DIRAS2: variants seen among roughly 807,000 people sequenced by gnomAD.
DIRAS2 encodes the protein DIRAS family GTPase 2.
In DIRAS2, 5 loss-of-function variants were observed where a neutral mutation model predicts 13.9. The observed-to-expected ratio is 0.36, with a 90% CI of 0.19 to 0.76. The LOEUF (loss-of-function observed/expected upper bound fraction) is 0.76, where lower values mean the gene tolerates loss of function less well. Ranked by LOEUF, DIRAS2 falls within the 30% of genes least tolerant of loss-of-function variation. The pLI is 0.53. For synonymous variants in DIRAS2, 111 were observed against 105.4 expected (o/e 1.05, Z -0.33); for missense variants, 191 against 263.0 (o/e 0.73, Z 1.89).
intron 1 of DIRAS2, among the ~76,000 whole-genome samples, chr9:90,624,014 A>G (rs1825245490): frequency 6.9e-6 from 1 of 145,330 alleles, no homozygotes; most frequent in Admixed American, 6.6e-5. Context: ...AAAGGTTTAC[A>G]AAGCTAAAAG....
Position 90,613,856 on chromosome 9 carries a change from G to A in DIRAS2, c.-29C>T. 1 of 1,582,642 alleles carries A rather than the reference G, an allele frequency of 6.3e-7. No homozygotes were observed. The highest frequency in any genetic ancestry group is 8.6e-7 in the Non-Finnish European group (1 of 1,163,700). On this transcript the variant is annotated 5_prime_UTR_variant, in exon 2 of 2. Coordinates refer to ENST00000375765, the MANE Select transcript of DIRAS2 (RefSeq NM_017594.5). This position sits in a 1 kb window ranked among gnomAD's most constrained non-coding sequence, Gnocchi z 5.6. ...GCTGGAGAGCTCCAACTCTCAGCCA[G>A]GACGCACCTAGCAAAGGAACCAGAT...
chr9:90,614,589 T>C (rs1218860731), intron 1 of DIRAS2, among the ~76,000 whole-genome samples: 1 of 152,050 alleles, frequency 6.6e-6, no homozygotes. Context: ...TCAATGCCCA[T>C]CCCATAAGCT....
intron 1 of DIRAS2, among the ~76,000 whole-genome samples, chr9:90,632,914 GGCTATTTCACTGA>G: frequency 6.6e-6 from 1 of 152,304 alleles, no homozygotes; most frequent in South Asian, 2.1e-4. Context: ...CAGAACATGC[GGCTATTTCACTGA>G]CAGGGCAGTG....
chr9:90,636,498 C>T (rs1374059626), intron 1 of DIRAS2, among the ~76,000 whole-genome samples: 1 of 152,188 alleles, frequency 6.6e-6, no homozygotes, highest in Non-Finnish European at 1.5e-5. Flanking sequence ...ATATGACAAA[C>T]TTGAATATTT....
Position 90,613,930 on chromosome 9 carries a change from T to C in DIRAS2, c.-36-67A>G. Reference sequence around the variant, plus strand: ...ATATAAAAACATTAATAAGGATAGCTCTACCCTCTTTTGATAGCTTAAAAA... The same window carrying C: ...ATATAAAAACATTAATAAGGATAGCCCTACCCTCTTTTGATAGCTTAAAAA... On this transcript the variant is annotated intron_variant, in intron 1 of 1. Transcript: ENST00000375765. The surrounding 1 kb of genome is among the most constrained non-coding windows in gnomAD (Gnocchi z 5.6). 7.2e-7 allele frequency: 1 copy of C among 1,380,890 alleles called. No homozygotes were observed. The highest frequency in any genetic ancestry group is 2.5e-5 in the East Asian group (1 of 39,460). The allele number at this position is 1,380,890 out of a possible 1,614,324, so 85.5% of individuals were successfully genotyped here. A position where few individuals can be genotyped will look rare whatever the true frequency, so the allele number is the denominator to read the frequency against.
intron 1 of DIRAS2, among the ~76,000 whole-genome samples, chr9:90,628,768 A>T (rs190351784): frequency 6.6e-6 from 1 of 152,352 alleles, no homozygotes; most frequent in Admixed American, 6.5e-5. Flanking sequence ...TCTGGTCTCG[A>T]AATGCTGGGC....
rs1032028630 is a variant in DIRAS2 at position 90,610,458 on chromosome 9, G to T, written c.*2770C>A. 1.8e-5 allele frequency: 7 copies of T among 398,832 alleles called. No individual in the cohort carries two copies. Among genetic ancestry groups the T allele is most frequent in the Non-Finnish European group, 2.7e-5 (6 of 226,064 alleles). The allele number at this position is 398,832 out of a possible 1,614,324, so 24.7% of individuals were successfully genotyped here. A position where few individuals can be genotyped will look rare whatever the true frequency, so the allele number is the denominator to read the frequency against. The stretch of plus-strand genomic sequence containing the variant: ...GGAGGAGGGGCTCATGGGGATAGAA[G>T]GGAAGTCATGGAGCCCCATGCTCAT... On this transcript the variant is annotated 3_prime_UTR_variant, in exon 2 of 2. Coordinates refer to ENST00000375765, the MANE Select transcript of DIRAS2 (RefSeq NM_017594.5).
chr9:90,637,930 T>C (rs1280312602), intron 1 of DIRAS2, among the ~76,000 whole-genome samples: 2 of 152,212 alleles, frequency 1.3e-5, no homozygotes, highest in Non-Finnish European at 2.9e-5. Flanking sequence ...CTTACAAAAT[T>C]TGAGAACCAC....
chr9:90,613,432 C>T lies in DIRAS2; in HGVS notation c.396G>A (p.Gln132=), dbSNP rs1825135716. 2 of 1,614,156 alleles carry T rather than the reference C, an allele frequency of 1.2e-6. No individual in the cohort carries two copies. Among genetic ancestry groups the T allele is most frequent in the Non-Finnish European group, 1.7e-6 (2 of 1,180,036 alleles). The change falls in exon 2 of 2, where the codon CAG becomes CAA. Residue 132 remains glutamine (Q), a synonymous_variant. Coordinates refer to ENST00000375765, the MANE Select transcript of DIRAS2 (RefSeq NM_017594.5). This position sits in a 1 kb window ranked among gnomAD's most constrained non-coding sequence, Gnocchi z 5.6. ...KCDESPSREV[Q]SSEAEALART... is the part of the protein sequence containing the mutation. ...GGGCCAAGGCCTCCGCCTCGCTGCT[C>T]TGCACCTCGCGGCTGGGGCTCTCAT... is the stretch of plus-strand genomic sequence containing the variant.
intron 1 of DIRAS2, among the ~76,000 whole-genome samples, chr9:90,620,113 G>T (rs1430598609): frequency 6.6e-6 from 1 of 152,140 alleles, no homozygotes; most frequent in African/African-American, 2.4e-5. Context: ...CTAAAACAGT[G>T]GTAATGGCTG....
chr9:90,639,583 G>A (rs1317801469), intron 1 of DIRAS2, among the ~76,000 whole-genome samples: 1 of 152,156 alleles, frequency 6.6e-6, no homozygotes. Flanking sequence ...AAACCCGGGG[G>A]GGCAGTACTT....
chr9:90,636,647 T>C (rs905370991), intron 1 of DIRAS2, among the ~76,000 whole-genome samples: 41 of 152,206 alleles, frequency 2.7e-4, no homozygotes, highest in African/African-American at 9.9e-4. Flanking sequence ...ACATTTAGCA[T>C]GTGACTAAAT....
At chr9:90,616,758 A>C (rs998773959) in intron 1 of DIRAS2, among the ~76,000 whole-genome samples, 1 of 151,380 alleles carries the variant, frequency 6.6e-6, no homozygotes, top group Non-Finnish European at 1.5e-5. Flanking sequence ...AAAAAAAAAA[A>C]TTGTAAACTA....
intron 1 of DIRAS2, among the ~76,000 whole-genome samples, chr9:90,620,411 T>A (rs1382544888): frequency 2.6e-5 from 4 of 152,120 alleles, no homozygotes; most frequent in African/African-American, 9.7e-5. Context: ...AACCCTGAAA[T>A]ATTCATACCA....
chr9:90,612,621 G>C lies in DIRAS2; in HGVS notation c.*607C>G, dbSNP rs1825124994. The C allele has an allele frequency of 6.5e-6, 1 of 154,152 alleles. No homozygotes were observed. Among genetic ancestry groups the C allele is most frequent in the South Asian group, 2.0e-4 (1 of 4,896 alleles). 9.5% of individuals were successfully genotyped at this position (154,152 alleles called of 1,614,324 possible). ...GCTTAAAATGATACTTCCTAACTAG[G>C]TCTAGGTAAGGTGAACACATCCCCT... On this transcript the variant is annotated 3_prime_UTR_variant, in exon 2 of 2. Coordinates refer to ENST00000375765, the MANE Select transcript of DIRAS2 (RefSeq NM_017594.5).
chr9:90,634,236 A>T (rs1228740233), intron 1 of DIRAS2, among the ~76,000 whole-genome samples: 2 of 152,224 alleles, frequency 1.3e-5, no homozygotes, highest in African/African-American at 4.8e-5. Context: ...ACATGAGGTC[A>T]GAAGGAAGAC....
chr9:90,631,381 C>A (rs1825323623), intron 1 of DIRAS2, among the ~76,000 whole-genome samples: 1 of 152,186 alleles, frequency 6.6e-6, no homozygotes, highest in Admixed American at 6.5e-5. Context: ...AAAAGGTCAA[C>A]TTTTATTCTA....
chr9:90,636,646 A>C (rs889979834), intron 1 of DIRAS2, among the ~76,000 whole-genome samples: 1 of 152,220 alleles, frequency 6.6e-6, no homozygotes, highest in African/African-American at 2.4e-5. Context: ...AACATTTAGC[A>C]TGTGACTAAA....
intron 1 of DIRAS2, among the ~76,000 whole-genome samples, chr9:90,615,480 G>C (rs574462950): frequency 1.2e-3 from 184 of 152,318 alleles, no homozygotes; most frequent in African/African-American, 4.2e-3. Flanking sequence ...ATGCTTATGA[G>C]ATAATTATGA....
Sources: allele counts gnomAD v4.1 joint callset (sites outside exome capture counted in the v4.1 genomes callset), GRCh38; gene constraint gnomAD v4.1.1; non-coding constraint Gnocchi (gnomAD v3.1); transcripts MANE v1.5; gene names NCBI Gene and HGNC (gene_info 2026-07-23, HGNC 2026-07-21).